The following BTBD9 variants were observed in gnomAD, a reference collection of about 807,000 sequenced individuals.
BTBD9 encodes BTB/POZ domain-containing protein 9.
BTBD9 carries 49 observed loss-of-function variants against 64.3 expected under a neutral mutation model. That is an observed-to-expected ratio of 0.76 (90% CI 0.61 to 0.97). BTBD9 has a LOEUF of 0.97. Among genes scored for constraint, BTBD9 ranks in the 50% least tolerant of loss-of-function variants. The pLI, the probability that BTBD9 is intolerant of heterozygous loss-of-function variation, is 0.00. For synonymous variants in BTBD9, 260 were observed against 274.7 expected (o/e 0.95, Z 0.53); for missense variants, 598 against 762.1 (o/e 0.78, Z 2.53).
chr6:38,390,149 C>T (rs144639425), intron 6 of BTBD9, among the ~76,000 whole-genome samples: 2 of 152,140 alleles, frequency 1.3e-5, no homozygotes, highest in Admixed American at 6.5e-5. Flanking sequence ...TCATTCTCCT[C>T]GGGATGTAGA....
intron 9 of BTBD9, chr6:38,193,853 TCACTATGAACCTCC>T (rs1268700467): frequency 1.0e-6 from 1 of 985,306 alleles, no homozygotes; most frequent in East Asian, 1.1e-4. Context: ...ATCTTCCCTC[TCACTATGAACCTCC>T]CACTGAGATT....
intron 8 of BTBD9, among the ~76,000 whole-genome samples, chr6:38,267,914 T>C (rs1344994752): frequency 6.6e-6 from 1 of 152,134 alleles, no homozygotes; most frequent in African/African-American, 2.4e-5. Context: ...CACTCCAGCC[T>C]GGGTGACAGA....
chr6:38,181,326 A>G (rs1364476097), intron 10 of BTBD9, among the ~76,000 whole-genome samples: 2 of 152,196 alleles, frequency 1.3e-5, no homozygotes, highest in Non-Finnish European at 2.9e-5. Context: ...CAAGTTTTCA[A>G]CTTACAAATA....
chr6:38,496,796 G>A (rs1448175112), intron 6 of BTBD9, among the ~76,000 whole-genome samples: 12 of 152,168 alleles, frequency 7.9e-5, no homozygotes, highest in Admixed American at 7.9e-4. Flanking sequence ...GCAAATGAAT[G>A]AGGCTTCTAG....
chr6:38,455,707 T>C (rs907993268), intron 6 of BTBD9, among the ~76,000 whole-genome samples: 1 of 152,220 alleles, frequency 6.6e-6, no homozygotes, highest in African/African-American at 2.4e-5. Flanking sequence ...TCAACTTTTT[T>C]GTTTGTTTTT....
intron 6 of BTBD9, among the ~76,000 whole-genome samples, chr6:38,474,390 G>T (rs573220820): frequency 6.6e-6 from 1 of 152,256 alleles, no homozygotes; most frequent in South Asian, 2.1e-4. Flanking sequence ...AGGCGAGGTG[G>T]TACATGCCTA....
At chr6:38,454,582 A>C (rs1336277528) in intron 6 of BTBD9, among the ~76,000 whole-genome samples, 3 of 151,544 alleles carry the variant, frequency 2.0e-5, no homozygotes, top group Admixed American at 1.3e-4. Flanking sequence ...GGCTCACTTG[A>C]GACTGAGAGT....
intron 6 of BTBD9, among the ~76,000 whole-genome samples, chr6:38,558,187 G>A (rs1582631348): frequency 1.3e-5 from 2 of 151,894 alleles, no homozygotes; most frequent in Non-Finnish European, 2.9e-5. Flanking sequence ...GAGACCAAGA[G>A]TTCCAGGGTA....
intron 2 of BTBD9, among the ~76,000 whole-genome samples, chr6:38,596,670 A>G (rs1481319610): frequency 1.3e-5 from 2 of 151,984 alleles, no homozygotes; most frequent in Admixed American, 6.6e-5. Context: ...GCGTGGTGGC[A>G]GGCGCCCGTA....
chr6:38,326,247 A>T (rs1279932239), intron 7 of BTBD9, among the ~76,000 whole-genome samples: 2 of 152,208 alleles, frequency 1.3e-5, no homozygotes, highest in African/African-American at 4.8e-5. Context: ...CAGAGAATGA[A>T]TGGTGTATTT....
intron 6 of BTBD9, among the ~76,000 whole-genome samples, chr6:38,453,959 G>A (rs1769674596): frequency 6.6e-6 from 1 of 152,166 alleles, no homozygotes; most frequent in Non-Finnish European, 1.5e-5. Flanking sequence ...ACACCAGGTC[G>A]TGCATCAGCA....
At chr6:38,390,124 C>A (rs1766347921) in intron 6 of BTBD9, among the ~76,000 whole-genome samples, 1 of 152,202 alleles carries the variant, frequency 6.6e-6, no homozygotes, top group African/African-American at 2.4e-5. Flanking sequence ...TGCTGCGCTA[C>A]AACACAGAAG....
intron 9 of BTBD9, among the ~76,000 whole-genome samples, chr6:38,215,153 T>C (rs2127502199): frequency 6.6e-6 from 1 of 152,358 alleles, no homozygotes; most frequent in African/African-American, 2.4e-5. Flanking sequence ...ATGGATCAGC[T>C]ATTAATCTCA....
intron 6 of BTBD9, among the ~76,000 whole-genome samples, chr6:38,447,343 A>G (rs1769319646): frequency 6.6e-6 from 1 of 152,240 alleles, no homozygotes; most frequent in South Asian, 2.1e-4. Flanking sequence ...GAAGAGGCTC[A>G]AAGGACTTTT....
chr6:38,209,514 G>A (rs565402486), intron 9 of BTBD9, among the ~76,000 whole-genome samples: 2 of 152,310 alleles, frequency 1.3e-5, no homozygotes, highest in South Asian at 2.1e-4. Flanking sequence ...AGCTGGACCG[G>A]TGGGTCTTAA....
chr6:38,635,735 C>T (rs1778508268), intron 1 of BTBD9, among the ~76,000 whole-genome samples: 1 of 152,134 alleles, frequency 6.6e-6, no homozygotes, highest in Non-Finnish European at 1.5e-5. Context: ...CTGGGACTTC[C>T]TAGCCTCCAG....
intron 1 of BTBD9, among the ~76,000 whole-genome samples, chr6:38,611,961 CAACT>C (rs1244682752): frequency 6.6e-6 from 1 of 152,040 alleles, no homozygotes; most frequent in Non-Finnish European, 1.5e-5. Context: ...GTTTTGTTTC[CAACT>C]GTCAAGTCTA....
intron 6 of BTBD9, among the ~76,000 whole-genome samples, chr6:38,521,842 C>T (rs1481393879): frequency 2.6e-5 from 4 of 151,888 alleles, no homozygotes; most frequent in African/African-American, 9.7e-5. Context: ...GCTTGGCTAA[C>T]TTTTGTATTT....
intron 6 of BTBD9, among the ~76,000 whole-genome samples, chr6:38,463,217 G>C (rs1770185577): frequency 6.6e-6 from 1 of 152,162 alleles, no homozygotes; most frequent in Non-Finnish European, 1.5e-5. Flanking sequence ...ATTGATTTTT[G>C]TACAGTGATT....
Sources: allele counts gnomAD v4.1 joint callset (sites outside exome capture counted in the v4.1 genomes callset), GRCh38; gene constraint gnomAD v4.1.1; transcripts MANE v1.5; gene names NCBI Gene and HGNC (gene_info 2026-07-23, HGNC 2026-07-21).